The following TNFRSF13B variants were observed in gnomAD, a reference collection of about 807,000 sequenced individuals.
TNFRSF13B encodes the protein TNF receptor superfamily member 13B, also known as tumor necrosis factor receptor superfamily member 13B.
Under a neutral mutation model 24.0 loss-of-function variants are expected in TNFRSF13B, and 34 were observed. That is an observed-to-expected ratio of 1.41 (90% CI 1.08 to 1.88). TNFRSF13B has a LOEUF of 1.88. TNFRSF13B is among the 40% of genes most tolerant of loss of function. TNFRSF13B has a pLI of 0.00. For missense variants in TNFRSF13B, 415 were observed against 380.8 expected, an observed-to-expected ratio of 1.09 and a Z score of -0.75; for synonymous variants, 173 against 150.3, an observed-to-expected ratio of 1.15 and a Z score of -1.10.
At chr17:16,964,673 G>C (rs925794941) in intron 1 of TNFRSF13B, among the ~76,000 whole-genome samples, 1 of 152,148 alleles carries the variant, frequency 6.6e-6, no homozygotes, top group Non-Finnish European at 1.5e-5. Context: ...GAAGAACTTA[G>C]TTAGGTCCTG....
rs538953061 is a variant in TNFRSF13B, at chr17:16,941,545, C to T, written c.446-1034G>A. ...AAGAAGAGCGAGTCCCACTTCGTGC[C>T]GGGCACTTCCCCTACAGCACCCCCT... On this transcript the variant is annotated intron_variant, in intron 3 of 4. Transcript: ENST00000261652. 15 of 987,594 alleles carry T rather than the reference C, an allele frequency of 1.5e-5. No individual in the cohort carries two copies. In the East Asian group the frequency reaches 5.7e-4, roughly 37 times the overall value. 61.2% of individuals were successfully genotyped at this position (987,594 alleles called of 1,614,324 possible).
At chr17:16,965,815 T>C (rs1038972943) in intron 1 of TNFRSF13B, among the ~76,000 whole-genome samples, 2 of 152,154 alleles carry the variant, frequency 1.3e-5, no homozygotes, top group Admixed American at 6.5e-5. Context: ...GTGAAAAGAA[T>C]AAAAACATGT....
intron 3 of TNFRSF13B, among the ~76,000 whole-genome samples, chr17:16,947,855 C>G (rs1304416755): frequency 1.3e-5 from 2 of 152,136 alleles, no homozygotes; most frequent in Admixed American, 1.3e-4. Context: ...GGGTATATAT[C>G]CAAAGGAAAA....
chr17:16,942,730 G>C (rs2087520581), intron 3 of TNFRSF13B, among the ~76,000 whole-genome samples: 1 of 152,208 alleles, frequency 6.6e-6, no homozygotes, highest in South Asian at 2.1e-4. Flanking sequence ...TTGATTCAAG[G>C]AGGAAAACTA....
chr17:16,955,696 G>A (rs942236839), intron 1 of TNFRSF13B, among the ~76,000 whole-genome samples: 1 of 152,174 alleles, frequency 6.6e-6, no homozygotes, highest in Non-Finnish European at 1.5e-5. Flanking sequence ...TGGGATGTGA[G>A]GAGTGACATG....
chr17:16,960,133 TA>T (rs1428184057), intron 1 of TNFRSF13B, among the ~76,000 whole-genome samples: 2 of 151,854 alleles, frequency 1.3e-5, no homozygotes, highest in Non-Finnish European at 2.9e-5. Flanking sequence ...AGTTCCACAC[TA>T]AAGGAATGAA....
chr17:16,948,489 G>A (rs190787060), intron 3 of TNFRSF13B, among the ~76,000 whole-genome samples: 11 of 152,250 alleles, frequency 7.2e-5, no homozygotes, highest in East Asian at 5.8e-4. Context: ...GCACAGCCTC[G>A]GCAGCCTCTA....
chr17:16,962,760 AC>A, intron 1 of TNFRSF13B, among the ~76,000 whole-genome samples: 1 of 152,230 alleles, frequency 6.6e-6, no homozygotes, highest in Admixed American at 6.5e-5. Flanking sequence ...AAGGGGAAGA[AC>A]AAAACTGCAG....
At chr17:16,941,228 G>A in intron 3 of TNFRSF13B, 1 of 987,650 alleles carries the variant, frequency 1.0e-6, no homozygotes, top group Non-Finnish European at 1.2e-6. Flanking sequence ...CCACAGACAT[G>A]GGTCGCACGA....
At chr17:16,951,406 G>A (rs1474382361) in intron 2 of TNFRSF13B, among the ~76,000 whole-genome samples, 2 of 152,152 alleles carry the variant, frequency 1.3e-5, no homozygotes, top group African/African-American at 2.4e-5. Flanking sequence ...AAAAGAACAG[G>A]TTATGAAAAA....
intron 1 of TNFRSF13B, among the ~76,000 whole-genome samples, chr17:16,967,131 G>A (rs1423023560): frequency 6.6e-6 from 1 of 151,842 alleles, no homozygotes; most frequent in Non-Finnish European, 1.5e-5. Context: ...GAGCCACCAC[G>A]CCTGGCCAAT....
At chr17:16,942,048 T>C (rs8081126) in intron 3 of TNFRSF13B, among the ~76,000 whole-genome samples, 40,237 of 152,122 alleles carry the variant, frequency 0.26, 5,448 homozygotes, top group Middle Eastern at 0.31. Context: ...GTGAATGACG[T>C]TGCTGTGAAC....
intron 1 of TNFRSF13B, among the ~76,000 whole-genome samples, chr17:16,969,217 T>C (rs1597670864): frequency 6.6e-6 from 1 of 152,322 alleles, no homozygotes; most frequent in South Asian, 2.1e-4. Context: ...TTAAGAGAAA[T>C]GAAGACATGT....
chr17:16,950,122 A>G (rs573207203), intron 2 of TNFRSF13B, among the ~76,000 whole-genome samples: 13 of 152,330 alleles, frequency 8.5e-5, no homozygotes, highest in African/African-American at 3.1e-4. Flanking sequence ...ATATGTATAA[A>G]TAAAATATAT....
chr17:16,948,982 C>A lies in TNFRSF13B; in HGVS notation c.201G>T (p.Arg67Ser), dbSNP rs886052653. ...CTTGCTCCTTGCGGCAGCTGAGTGA[C>A]CCTGGGAGAGAGAAATTCATGATAC... ...QSQRTCAAFC[R>S]SLSCRKEQGK... Residue 67 changes from arginine to serine, a missense_variant and splice_region_variant, in exon 3 of 5, where the codon AGG (arginine) becomes AGT (serine). Transcript: ENST00000261652. 1.2e-6 allele frequency: 2 copies of A among 1,613,946 alleles called. No homozygotes were observed. The highest frequency in any genetic ancestry group is 1.6e-4 in the Middle Eastern group (1 of 6,062).
At chr17:16,958,747 G>A (rs1317899645) in intron 1 of TNFRSF13B, among the ~76,000 whole-genome samples, 1 of 151,868 alleles carries the variant, frequency 6.6e-6, no homozygotes, top group Non-Finnish European at 1.5e-5. Context: ...TAATAAAGGG[G>A]ATACAGCATA....
At chr17:16,951,251 G>T (rs187316539) in intron 2 of TNFRSF13B, among the ~76,000 whole-genome samples, 2 of 152,304 alleles carry the variant, frequency 1.3e-5, no homozygotes, top group Admixed American at 1.3e-4. Flanking sequence ...ATTCATGAAG[G>T]ACTTACTATG....
At chr17:16,942,460 G>A (rs1296031932) in intron 3 of TNFRSF13B, among the ~76,000 whole-genome samples, 1 of 152,164 alleles carries the variant, frequency 6.6e-6, no homozygotes, top group African/African-American at 2.4e-5. Context: ...GGGAACTTGG[G>A]GTGAGTTCGT....
intron 1 of TNFRSF13B, among the ~76,000 whole-genome samples, chr17:16,969,320 A>C (rs2087727406): frequency 6.6e-6 from 1 of 152,248 alleles, no homozygotes; most frequent in Non-Finnish European, 1.5e-5. Context: ...CCATCCACCG[A>C]TGACTGGAAA....
Sources: gnomAD v4.1 joint callset for allele counts (sites outside exome capture counted in the v4.1 genomes callset) on GRCh38, gnomAD v4.1.1 for gene constraint, MANE v1.5 for transcripts, NCBI Gene and HGNC (gene_info 2026-07-23, HGNC 2026-07-21) for gene names.